GRAMD4: variants seen among roughly 807,000 people sequenced by gnomAD.
GRAMD4 encodes the protein GRAM domain containing 4, also known as GRAM domain-containing protein 4.
GRAMD4 carries 25 observed loss-of-function variants against 83.9 expected under a neutral mutation model. The observed-to-expected ratio is 0.30, with a 90% CI of 0.22 to 0.42. GRAMD4 has a LOEUF of 0.42. Ranked by LOEUF, GRAMD4 falls within the 10% of genes least tolerant of loss-of-function variation. The pLI is 1.00. For synonymous variants in GRAMD4, 336 were observed against 320.9 expected, an observed-to-expected ratio of 1.05 and a Z score of -0.50; for missense variants, 593 against 788.7, an observed-to-expected ratio of 0.75 and a Z score of 2.97.
At chr22:46,667,573 C>T (rs1465729361) in intron 10 of GRAMD4, among the ~76,000 whole-genome samples, 1 of 152,224 alleles carries the variant, frequency 6.6e-6, no homozygotes, top group African/African-American at 2.4e-5. Flanking sequence ...GGGGCAGGAC[C>T]ACTGGGCGTG....
At chr22:46,596,939 G>A (rs572068838) in intron 1 of GRAMD4, among the ~76,000 whole-genome samples, 8 of 152,308 alleles carry the variant, frequency 5.3e-5, no homozygotes, top group Admixed American at 2.6e-4. Context: ...TGCAGAGCTT[G>A]GATGGCTGCA....
At chr22:46,669,239 G>A (rs1376154511) in intron 13 of GRAMD4, among the ~76,000 whole-genome samples, 3 of 152,232 alleles carry the variant, frequency 2.0e-5, no homozygotes, top group Non-Finnish European at 4.4e-5. Context: ...TGGGGCGCCT[G>A]TGGGCTTAGG....
intron 2 of GRAMD4, among the ~76,000 whole-genome samples, chr22:46,635,638 A>AGG (rs1425100757): frequency 7.6e-5 from 4 of 52,726 alleles, no homozygotes; most frequent in Non-Finnish European, 1.4e-4. Flanking sequence ...GTCCTGGGGG[A>AGG]CCGTGTCCTC....
intron 10 of GRAMD4, among the ~76,000 whole-genome samples, chr22:46,667,339 C>CA (rs760803565): frequency 2.0e-4 from 31 of 152,268 alleles, no homozygotes; most frequent in Admixed American, 2.6e-4. Flanking sequence ...GACTCTGTCT[C>CA]AAAAAAACAG....
rs564966334 is a variant in GRAMD4 at position 46,635,104 on chromosome 22, C to T, written c.163-2736C>T. ...CTTGGGGAGCCGTGTCCTCCCTGCCCCCGCCCCCAGCCACTCCTGTCCTGG... is the reference window on the plus strand; with the variant it reads ...CTTGGGGAGCCGTGTCCTCCCTGCCTCCGCCCCCAGCCACTCCTGTCCTGG... On this transcript the variant is annotated intron_variant, in intron 2 of 18. Transcript: ENST00000406902. 3.4e-3 allele frequency among the ~76,000 whole-genome samples: 377 copies of T among 110,860 alleles called. 7 individuals carry two copies. The highest frequency in any genetic ancestry group is 5.6e-3 in the Non-Finnish European group (245 of 43,948). The allele number at this position is 110,860 out of a possible 152,430, so 72.7% of individuals were successfully genotyped here.
At chr22:46,663,517 C>T (rs1247609618) in intron 6 of GRAMD4, among the ~76,000 whole-genome samples, 1 of 152,196 alleles carries the variant, frequency 6.6e-6, no homozygotes, top group Admixed American at 6.5e-5. Context: ...TGCCATAGGC[C>T]CTGGGGGTCC....
At chr22:46,598,718 G>C (rs894354608) in intron 1 of GRAMD4, among the ~76,000 whole-genome samples, 1 of 151,472 alleles carries the variant, frequency 6.6e-6, no homozygotes, top group Non-Finnish European at 1.5e-5. Flanking sequence ...CGAGCTCCTT[G>C]AGGGCCAAGT....
intron 3 of GRAMD4, among the ~76,000 whole-genome samples, chr22:46,641,661 G>A (rs1013292036): frequency 4.6e-5 from 7 of 152,284 alleles, no homozygotes; most frequent in East Asian, 3.9e-4. Context: ...TGGTCGTGGC[G>A]GGGTTGGGTG....
At chr22:46,646,983 CACA>C (rs1187675929) in intron 3 of GRAMD4, among the ~76,000 whole-genome samples, 1 of 152,156 alleles carries the variant, frequency 6.6e-6, no homozygotes, top group Non-Finnish European at 1.5e-5. Context: ...CCTTCACGAT[CACA>C]ACAAGAACAG....
chr22:46,577,550 G>T (rs2081055636), intron 1 of GRAMD4, among the ~76,000 whole-genome samples: 1 of 150,056 alleles, frequency 6.7e-6, no homozygotes, highest in East Asian at 2.0e-4. Flanking sequence ...CGCCGGCTGG[G>T]GGAGACGAGG....
At chr22:46,598,727 G>A (rs1160141615) in intron 1 of GRAMD4, among the ~76,000 whole-genome samples, 1 of 151,662 alleles carries the variant, frequency 6.6e-6, no homozygotes, top group Non-Finnish European at 1.5e-5. Flanking sequence ...TGAGGGCCAA[G>A]TATACCCGAA....
At chr22:46,646,974 C>T (rs1161169539) in intron 3 of GRAMD4, among the ~76,000 whole-genome samples, 1 of 152,182 alleles carries the variant, frequency 6.6e-6, no homozygotes, top group African/African-American at 2.4e-5. Flanking sequence ...CGTGAGACTC[C>T]TTCACGATCA....
intron 13 of GRAMD4, among the ~76,000 whole-genome samples, chr22:46,671,428 C>T (rs1290242522): frequency 2.6e-5 from 4 of 152,174 alleles, no homozygotes; most frequent in Non-Finnish European, 4.4e-5. Flanking sequence ...GAGCTGAGAT[C>T]GCGCCACTGC....
At chr22:46,617,792 C>G (rs544001159), upstream of GRAMD4, among the ~76,000 whole-genome samples, 6 of 152,294 alleles carry the variant, frequency 3.9e-5, no homozygotes, top group East Asian at 1.2e-3. Context: ...GGTGGCTTCC[C>G]TGTCACAGTG....
At chr22:46,601,757 C>A (rs570999212) in intron 1 of GRAMD4, among the ~76,000 whole-genome samples, 2 of 152,290 alleles carry the variant, frequency 1.3e-5, no homozygotes, top group South Asian at 4.1e-4. Context: ...GATTATGCCA[C>A]TGCACTCCAG....
chr22:46,648,522 C>T (rs1202039560), intron 3 of GRAMD4, among the ~76,000 whole-genome samples: 1 of 132,898 alleles, frequency 7.5e-6, no homozygotes, highest in East Asian at 2.5e-4. Flanking sequence ...AGTAGATAGA[C>T]AGATGGGTGG....
At position 46,621,104 on chromosome 22, in the gene GRAMD4, G is replaced by T. The variant is rs190970146; in HGVS notation, c.-50+539G>T. On this transcript the variant is annotated intron_variant, in intron 1 of 18. Transcript: ENST00000406902. The surrounding 1 kb of genome is among the most constrained non-coding windows in gnomAD (Gnocchi z 5.8). ...AGGGGGTGGGGATGGGCAGCTAGAA[G>T]TGGGGAGGGCAGGGGCCGTCTGGTT... 2.6e-5 allele frequency among the ~76,000 whole-genome samples: 4 copies of T among 151,992 alleles called. No homozygotes were observed. The highest frequency in any genetic ancestry group is 2.0e-4 in the Admixed American group (3 of 15,268).
Position 46,677,449 on chromosome 22 carries a change from C to A in GRAMD4, c.*198C>A. 5 of 1,346,568 alleles carry A rather than the reference C, an allele frequency of 3.7e-6. No homozygotes were observed. Among genetic ancestry groups the A allele is most frequent in the Non-Finnish European group, 4.8e-6 (5 of 1,047,980 alleles). 83.4% of individuals were successfully genotyped at this position (1,346,568 alleles called of 1,614,324 possible). A position where few individuals can be genotyped will look rare whatever the true frequency, so the allele number is the denominator to read the frequency against. On this transcript the variant is annotated 3_prime_UTR_variant, in exon 19 of 19. Coordinates refer to ENST00000406902, the MANE Select transcript of GRAMD4 (RefSeq NM_015124.5). Reference sequence around the variant, plus strand: ...GCCAGGGCTCACAGGGACGGGGGTGCCCCTCTCCCACAGGGCACGTCAGGT... The same window carrying A: ...GCCAGGGCTCACAGGGACGGGGGTGACCCTCTCCCACAGGGCACGTCAGGT...
chr22:46,580,678 G>A (rs141683688), intron 1 of GRAMD4, among the ~76,000 whole-genome samples: 11 of 152,264 alleles, frequency 7.2e-5, no homozygotes, highest in African/African-American at 2.6e-4. Context: ...AGAAAATGTG[G>A]GTTTCGCCGG....
Sources: allele counts gnomAD v4.1 joint callset (sites outside exome capture counted in the v4.1 genomes callset), GRCh38; gene constraint gnomAD v4.1.1; non-coding constraint Gnocchi (gnomAD v3.1); transcripts MANE v1.5; gene names NCBI Gene and HGNC (gene_info 2026-07-23, HGNC 2026-07-21).